The following OSBPL3 variants were observed in gnomAD, a reference collection of about 807,000 sequenced individuals.
OSBPL3 encodes the protein oxysterol-binding protein-related protein 3.
Under a neutral mutation model 120.1 loss-of-function variants are expected in OSBPL3, and 65 were observed. The observed-to-expected ratio is 0.54, with a 90% CI of 0.44 to 0.67. The LOEUF is 0.67. Among genes scored for constraint, OSBPL3 ranks in the 30% least tolerant of loss-of-function variants. The pLI is 0.00. For missense variants in OSBPL3, 1,004 were observed against 1,082.1 expected (o/e 0.93, Z 1.01); for synonymous variants, 416 against 402.6 (o/e 1.03, Z -0.40).
chr7:24,830,277 G>A lies in OSBPL3; in HGVS notation c.1884+491C>T, dbSNP rs1796210297. 6.6e-6 allele frequency among the ~76,000 whole-genome samples: 1 copy of A among 152,078 alleles called. No individual in the cohort carries two copies. The highest frequency in any genetic ancestry group is 2.1e-4 in the South Asian group (1 of 4,820). ...GCAATATCCTAGCACCTGGAACAGT[G>A]GCAGGCACATGGTATACGTTCTAGA... On this transcript the variant is annotated intron_variant, in intron 16 of 22. Coordinates refer to ENST00000313367, the MANE Select transcript of OSBPL3 (RefSeq NM_015550.4). The surrounding 1 kb of genome is among the most constrained non-coding windows in gnomAD (Gnocchi z 4.4).
chr7:24,866,547 G>A (rs887529709), intron 5 of OSBPL3, among the ~76,000 whole-genome samples: 3 of 152,108 alleles, frequency 2.0e-5, no homozygotes, highest in Non-Finnish European at 2.9e-5. Flanking sequence ...AGGCTGAGGT[G>A]GGAGGATCAC....
intron 2 of OSBPL3, among the ~76,000 whole-genome samples, chr7:24,885,445 T>A (rs924407359): frequency 2.0e-5 from 3 of 151,752 alleles, no homozygotes; most frequent in Non-Finnish European, 4.4e-5. Context: ...ATAAATAAGC[T>A]CTCATCAGGT....
rs1320333150 is a variant in OSBPL3 at position 24,965,350 on chromosome 7, C to CT, written c.-150+14535dup. 6.6e-6 allele frequency among the ~76,000 whole-genome samples: 1 copy of CT among 152,144 alleles called. No individual in the cohort carries two copies. The highest frequency in any genetic ancestry group is 2.4e-5 in the African/African-American group (1 of 41,430). On this transcript the variant is annotated intron_variant, in intron 1 of 22. Transcript: ENST00000313367. This position sits in a 1 kb window ranked among gnomAD's most constrained non-coding sequence, Gnocchi z 4.3. The stretch of plus-strand genomic sequence containing the variant: ...GTCATCTGTCTTCAATCTTATTTTC[C>CT]TTAGTCGTCCAACAAGGTTAATAAA...
chr7:24,879,663 T>C lies in OSBPL3; in HGVS notation c.97-7594A>G, dbSNP rs543271255. ...TACTGACAACAAGGAGATAAAATCC[T>C]GTGGGCTGCCAGCTCTGTCAGTGGC... On this transcript the variant is annotated intron_variant, in intron 2 of 22. Coordinates refer to ENST00000313367, the MANE Select transcript of OSBPL3 (RefSeq NM_015550.4). The surrounding 1 kb of genome is among the most constrained non-coding windows in gnomAD (Gnocchi z 5.6). 4.3e-4 allele frequency among the ~76,000 whole-genome samples: 66 copies of C among 152,356 alleles called. No homozygotes were observed. The highest frequency in any genetic ancestry group is 7.5e-4 in the Non-Finnish European group (51 of 68,038).
At chr7:24,875,704 C>A (rs1802746372) in intron 2 of OSBPL3, among the ~76,000 whole-genome samples, 1 of 151,524 alleles carries the variant, frequency 6.6e-6, no homozygotes, top group Admixed American at 6.6e-5. Context: ...AAGAGTGAGA[C>A]CCAGTCTCTT....
At position 24,933,556 on chromosome 7, in the gene OSBPL3, C is replaced by G. The variant is rs1812044536; in HGVS notation, c.-149-40935G>C. 6.6e-6 allele frequency among the ~76,000 whole-genome samples: 1 copy of G among 152,134 alleles called. No individual in the cohort carries two copies. Among genetic ancestry groups the G allele is most frequent in the South Asian group, 2.1e-4 (1 of 4,814 alleles). The stretch of plus-strand genomic sequence containing the variant: ...AGTCTAAACCCCAAACAAGATTCAC[C>G]CTACCATGCAAAACACTTAAATCAT... On this transcript the variant is annotated intron_variant, in intron 1 of 22. Transcript: ENST00000313367. The surrounding 1 kb of genome is among the most constrained non-coding windows in gnomAD (Gnocchi z 5.1).
At chr7:24,960,415 G>C (rs1164065863) in intron 1 of OSBPL3, among the ~76,000 whole-genome samples, 1 of 152,168 alleles carries the variant, frequency 6.6e-6, no homozygotes, top group Non-Finnish European at 1.5e-5. Flanking sequence ...AAAATAAATT[G>C]ATGGTGCTAA....
intron 1 of OSBPL3, among the ~76,000 whole-genome samples, chr7:24,903,085 G>C (rs529397762): frequency 1.3e-5 from 2 of 152,354 alleles, no homozygotes; most frequent in South Asian, 4.1e-4. Context: ...TTGGCAAGAT[G>C]TTCTGGTACT....
At chr7:24,903,907 G>A (rs968493682) in intron 1 of OSBPL3, among the ~76,000 whole-genome samples, 1 of 143,350 alleles carries the variant, frequency 7.0e-6, no homozygotes, top group Non-Finnish European at 1.5e-5. Flanking sequence ...TTTTGAGACA[G>A]ACTCTCACTC....
At chr7:24,926,356 C>T (rs1811046353) in intron 1 of OSBPL3, among the ~76,000 whole-genome samples, 1 of 152,170 alleles carries the variant, frequency 6.6e-6, no homozygotes, top group African/African-American at 2.4e-5. Flanking sequence ...AAAACAGATG[C>T]TCAGGACATG....
At position 24,807,009 on chromosome 7, in the gene OSBPL3, C is replaced by G. The variant is rs980858811; in HGVS notation, c.2318-107G>C. The G allele has an allele frequency of 1.4e-5, 13 of 899,716 alleles. No individual in the cohort carries two copies. In the African/African-American group the frequency reaches 2.0e-4, roughly 14 times the overall value. The allele number at this position is 899,716 out of a possible 1,614,324, so 55.7% of individuals were successfully genotyped here. ...CCTAGCTACAATTTTTCTCTCTCAG[C>G]TCCCTTCCATTTCTGTTAAAATATT... On this transcript the variant is annotated intron_variant, in intron 20 of 22. Transcript: ENST00000313367.
intron 1 of OSBPL3, among the ~76,000 whole-genome samples, chr7:24,951,665 T>G (rs1296938016): frequency 6.6e-6 from 1 of 152,228 alleles, no homozygotes. Context: ...AGACGTAAGC[T>G]TTGAGCTTAA....
chr7:24,928,268 T>C lies in OSBPL3; in HGVS notation c.-149-35647A>G, dbSNP rs529466768. Among the ~76,000 whole-genome samples, 368 of 149,420 alleles carry C rather than the reference T, an allele frequency of 2.5e-3. 1 individual carries two copies. The highest frequency in any genetic ancestry group is 8.8e-3 in the African/African-American group (358 of 40,500). ...GTGCAGCAGCACGATCTCAGCTCAC[T>C]GCAAACTCCGCCTCCCAGGTTCACG... is the stretch of plus-strand genomic sequence containing the variant. On this transcript the variant is annotated intron_variant, in intron 1 of 22. Coordinates refer to ENST00000313367, the MANE Select transcript of OSBPL3 (RefSeq NM_015550.4).
At chr7:24,800,936 A>ATT (rs1792246057) in intron 22 of OSBPL3, among the ~76,000 whole-genome samples, 1 of 138,444 alleles carries the variant, frequency 7.2e-6, no homozygotes, top group Admixed American at 7.3e-5. Flanking sequence ...GAAGTGGTTA[A>ATT]CTTTTTTTTT....
chr7:24,850,198 A>T (rs1197946234), intron 11 of OSBPL3, among the ~76,000 whole-genome samples: 1 of 152,172 alleles, frequency 6.6e-6, no homozygotes, highest in Non-Finnish European at 1.5e-5. Context: ...CCTCCTTTAT[A>T]TTTCCCTGGG....
At chr7:24,823,497 T>A (rs1299912525) in intron 16 of OSBPL3, among the ~76,000 whole-genome samples, 1 of 152,172 alleles carries the variant, frequency 6.6e-6, no homozygotes, top group Non-Finnish European at 1.5e-5. Flanking sequence ...ACAACATTAA[T>A]GAGTGATAAA....
chr7:24,811,778 T>C (rs1793831043), intron 19 of OSBPL3, among the ~76,000 whole-genome samples: 1 of 152,232 alleles, frequency 6.6e-6, no homozygotes, highest in Non-Finnish European at 1.5e-5. Context: ...TTGTGAGTTC[T>C]TGGCACTTTG....
intron 1 of OSBPL3, among the ~76,000 whole-genome samples, chr7:24,970,817 C>T (rs79624288): frequency 0.033 from 4,969 of 152,308 alleles, 138 homozygotes; most frequent in Non-Finnish European, 0.053. Flanking sequence ...GTTTTCTGGA[C>T]TCCACCCCCA....
In OSBPL3 at chr7:24,864,984, T is replaced by G. The variant is rs770866532; in HGVS notation, c.673+358A>C. ...GTACAGAACACCTACATCGTGAAGATCTCCATCTGATCACTCCCTCACCTC... is the reference window on the plus strand; with the variant it reads ...GTACAGAACACCTACATCGTGAAGAGCTCCATCTGATCACTCCCTCACCTC... On this transcript the variant is annotated intron_variant, in intron 7 of 22. Coordinates refer to ENST00000313367, the MANE Select transcript of OSBPL3 (RefSeq NM_015550.4). 3.3e-5 allele frequency among the ~76,000 whole-genome samples: 5 copies of G among 152,272 alleles called. No homozygotes were observed. The South Asian group carries it at 8.3e-4, about 25-fold the overall frequency.
Sources: gnomAD v4.1 joint callset for allele counts (sites outside exome capture counted in the v4.1 genomes callset) on GRCh38, gnomAD v4.1.1 for gene constraint, Gnocchi (gnomAD v3.1) non-coding constraint, MANE v1.5 for transcripts, NCBI Gene and HGNC (gene_info 2026-07-23, HGNC 2026-07-21) for gene names.